Variants in CNTNAP5 observed in about 807,000 individuals in gnomAD.
CNTNAP5 encodes the protein contactin-associated protein-like 5.
A neutral mutation model predicts 150.2 loss-of-function variants in CNTNAP5; 72 were observed. That is an observed-to-expected ratio of 0.48 (90% confidence interval 0.40 to 0.58). The LOEUF is 0.58. CNTNAP5 is among the 20% of genes least tolerant of loss of function. The pLI is 0.00. For synonymous variants in CNTNAP5, 672 were observed against 619.8 expected, an observed-to-expected ratio of 1.08 and a Z score of -1.25; for missense variants, 1,636 against 1,626.2, an observed-to-expected ratio of 1.01 and a Z score of -0.10.
chr2:124,554,050 G>A (rs1178291259), intron 10 of CNTNAP5, among the ~76,000 whole-genome samples: 1 of 152,108 alleles, frequency 6.6e-6, no homozygotes, highest in African/African-American at 2.4e-5. Context: ...AAAAAGTGAT[G>A]TCGAATTTCT....
rs1366506854 is a variant in CNTNAP5 at position 124,639,739 on chromosome 2, C to T, written c.1877-8019C>T. Among the ~76,000 whole-genome samples, 7 of 152,088 alleles carry T rather than the reference C, an allele frequency of 4.6e-5. No individual in the cohort carries two copies. In the East Asian group the frequency reaches 7.7e-4, roughly 17 times the overall value. ...TCCCCAGTCTTATCCTCAGTGTGCA[C>T]CAAAATAGTTTCTATGACCATGATA... On this transcript the variant is annotated intron_variant, in intron 12 of 23. Transcript: ENST00000682447.
At position 124,165,941 on chromosome 2, in the gene CNTNAP5, ACTC is replaced by A. The variant is rs1365541273; in HGVS notation, c.83-55760_83-55758del. Among the ~76,000 whole-genome samples the A allele has an allele frequency of 2.0e-5, 3 of 151,502 alleles. No individual in the cohort carries two copies. In the East Asian group the frequency reaches 5.8e-4, roughly 29 times the overall value. ...CATTCATTTAGACACAACCCCCAAA[ACTC>A]CTCATTGCTTTCACACCCAGCCCGC... On this transcript the variant is annotated intron_variant, in intron 1 of 23. Coordinates refer to ENST00000682447, the MANE Select transcript of CNTNAP5 (RefSeq NM_001367498.1).
chr2:124,715,020 T>G (rs921124263), intron 13 of CNTNAP5, among the ~76,000 whole-genome samples: 1 of 152,122 alleles, frequency 6.6e-6, no homozygotes, highest in African/African-American at 2.4e-5. Context: ...AGGACTACCA[T>G]GAATAAGAAA....
At chr2:124,804,580 A>G (rs901546785) in intron 19 of CNTNAP5, among the ~76,000 whole-genome samples, 3 of 152,128 alleles carry the variant, frequency 2.0e-5, no homozygotes, top group Non-Finnish European at 4.4e-5. Context: ...TAGTGTCCTT[A>G]AAGCAGGAGA....
intron 1 of CNTNAP5, among the ~76,000 whole-genome samples, chr2:124,217,491 G>C (rs981185300): frequency 6.6e-6 from 1 of 152,208 alleles, no homozygotes; most frequent in African/African-American, 2.4e-5. Context: ...CCATGTGCTT[G>C]GGGTAGTACT....
intron 3 of CNTNAP5, among the ~76,000 whole-genome samples, chr2:124,279,229 G>T (rs1687957891): frequency 7.4e-6 from 1 of 135,000 alleles, no homozygotes; most frequent in Non-Finnish European, 1.5e-5. Context: ...TAGGAAGTGT[G>T]TGTGTGTGTG....
intron 3 of CNTNAP5, among the ~76,000 whole-genome samples, chr2:124,340,837 G>T (rs551520477): frequency 1.4e-5 from 2 of 147,706 alleles, no homozygotes; most frequent in African/African-American, 5.0e-5. Context: ...ATGCGTGTGC[G>T]TGTGTATATA....
intron 3 of CNTNAP5, among the ~76,000 whole-genome samples, chr2:124,284,882 G>C (rs1688107789): frequency 6.6e-6 from 1 of 152,092 alleles, no homozygotes; most frequent in African/African-American, 2.4e-5. Context: ...TGAGAGAAAT[G>C]ACACTCCCAA....
chr2:124,706,795 A>AAGAAGAAGAAGAAGAGGAAGAAGG (rs1553433527), intron 13 of CNTNAP5, among the ~76,000 whole-genome samples: 1 of 18,854 alleles, frequency 5.3e-5, no homozygotes, highest in Non-Finnish European at 1.0e-4. Flanking sequence ...GAAGAAGAAG[A>AAGAAGAAGAAGAAGAGGAAGAAGG]AGGAGGAGGA....
chr2:124,430,398 A>C (rs748855408), intron 4 of CNTNAP5, among the ~76,000 whole-genome samples: 15 of 152,242 alleles, frequency 9.9e-5, no homozygotes, highest in Non-Finnish European at 2.1e-4. Context: ...GCAAAAAAAC[A>C]TCTAGAGAAT....
Position 124,025,466 on chromosome 2 carries a change from G to T in CNTNAP5, c.-185G>T, listed in dbSNP as rs1237578802. On this transcript the variant is annotated 5_prime_UTR_variant, in exon 1 of 24. Coordinates refer to ENST00000682447, the MANE Select transcript of CNTNAP5 (RefSeq NM_001367498.1). ...GGACCGTAGCCCCAGCTGCAGCTCC[G>T]AAGAATCCCCCGCCACGGTTTCGGT... 1 of 611,092 alleles carries T rather than the reference G, an allele frequency of 1.6e-6. No homozygotes were observed. The highest frequency in any genetic ancestry group is 1.8e-5 in the African/African-American group (1 of 54,420). The allele number at this position is 611,092 out of a possible 1,614,324, so 37.9% of individuals were successfully genotyped here. A position where few individuals can be genotyped will look rare whatever the true frequency, so the allele number is the denominator to read the frequency against.
At chr2:124,258,864 T>A (rs1459421580) in intron 3 of CNTNAP5, among the ~76,000 whole-genome samples, 1 of 63,466 alleles carries the variant, frequency 1.6e-5, no homozygotes, top group Non-Finnish European at 2.9e-5. Flanking sequence ...CCAGTAATAC[T>A]TTTTTTTTTT....
chr2:124,745,184 G>T (rs1396324318), intron 13 of CNTNAP5, among the ~76,000 whole-genome samples: 1 of 152,170 alleles, frequency 6.6e-6, no homozygotes, highest in Non-Finnish European at 1.5e-5. Flanking sequence ...TCCACCAGAA[G>T]TTGCACACAA....
chr2:124,811,712 G>GC (rs930355756), intron 19 of CNTNAP5, among the ~76,000 whole-genome samples: 4 of 150,088 alleles, frequency 2.7e-5, no homozygotes, highest in African/African-American at 4.9e-5. Flanking sequence ...GAGGCGGGGG[G>GC]GGTGGATCAC....
At position 124,647,955 on chromosome 2, in the gene CNTNAP5, C is replaced by T; in HGVS notation, c.2074C>T (p.Pro692Ser). 1 of 1,593,690 alleles carries T rather than the reference C, an allele frequency of 6.3e-7. No individual in the cohort carries two copies. The highest frequency in any genetic ancestry group is 8.5e-7 in the Non-Finnish European group (1 of 1,170,538). Residue 692 changes from proline to serine, a missense_variant, in exon 13 of 24, where the codon CCG (proline) becomes TCG (serine). Pro to Ser is a moderately conservative substitution (Grantham distance 74, BLOSUM62 -1). Transcript: ENST00000682447. ...HCRRSRLLNT[P>S]DGTPFTWWIG... is the part of the protein sequence containing the mutation. ...CAGGAGGTCCCGCCTGCTCAACACGCCGGGTAAGGCCTCTGCATGCATGAC... is the reference window on the plus strand; with the variant it reads ...CAGGAGGTCCCGCCTGCTCAACACGTCGGGTAAGGCCTCTGCATGCATGAC...
At chr2:124,683,068 G>A (rs904848619) in intron 13 of CNTNAP5, among the ~76,000 whole-genome samples, 2 of 152,032 alleles carry the variant, frequency 1.3e-5, no homozygotes, top group African/African-American at 4.8e-5. Context: ...ACTTTTTTGG[G>A]GTAAAGTCAA....
chr2:124,194,246 A>G (rs1685524617), intron 1 of CNTNAP5, among the ~76,000 whole-genome samples: 1 of 151,360 alleles, frequency 6.6e-6, no homozygotes, highest in Non-Finnish European at 1.5e-5. Context: ...CCCTCCCCAA[A>G]TGACTTGGCT....
intron 6 of CNTNAP5, among the ~76,000 whole-genome samples, chr2:124,462,862 C>T (rs1693285374): frequency 6.6e-6 from 1 of 152,216 alleles, no homozygotes; most frequent in South Asian, 2.1e-4. Context: ...CACGCCCATA[C>T]CCCACAGGTC....
intron 1 of CNTNAP5, among the ~76,000 whole-genome samples, chr2:124,170,579 C>A (rs1441096895): frequency 1.3e-5 from 2 of 152,110 alleles, no homozygotes; most frequent in Admixed American, 6.5e-5. Flanking sequence ...AACTACAGGG[C>A]CTTTTAAGGA....
Sources: gnomAD v4.1 joint callset for allele counts (sites outside exome capture counted in the v4.1 genomes callset) on GRCh38, gnomAD v4.1.1 for gene constraint, MANE v1.5 for transcripts, NCBI Gene and HGNC (gene_info 2026-07-23, HGNC 2026-07-21) for gene names.